Variants in PRUNE2 observed in about 807,000 individuals in gnomAD.
PRUNE2 encodes the protein protein prune homolog 2.
Under a neutral mutation model 252.0 loss-of-function variants are expected in PRUNE2, and 164 were observed. The ratio of observed to expected loss-of-function variants is 0.65; its 90% CI spans 0.57 to 0.74. PRUNE2 has a LOEUF of 0.74. Ranked by LOEUF, PRUNE2 falls within the 30% of genes least tolerant of loss-of-function variation. The pLI is 0.00. For synonymous variants in PRUNE2, 1,292 were observed against 1,350.2 expected (o/e 0.96, Z 0.94); for missense variants, 3,495 against 3,711.0 (o/e 0.94, Z 1.51).
chr9:76,764,066 C>T (rs1054030893), intron 6 of PRUNE2, among the ~76,000 whole-genome samples: 1 of 152,114 alleles, frequency 6.6e-6, no homozygotes. Context: ...GACCAATAAC[C>T]TCATTCACAA....
Position 76,863,526 on chromosome 9 carries a change from A to T in PRUNE2, c.37-9318T>A, listed in dbSNP as rs1362222787. Among the ~76,000 whole-genome samples the T allele has an allele frequency of 2.6e-5, 4 of 152,256 alleles. No homozygotes were observed. The East Asian group carries it at 7.7e-4, about 29-fold the overall frequency. ...CATATTCAACTCTGGTAACATCAAT[A>T]AAAAACTATTTTGTTTTCTGGCCTT... On this transcript the variant is annotated intron_variant, in intron 1 of 18. Coordinates refer to ENST00000376718, the MANE Select transcript of PRUNE2 (RefSeq NM_015225.3).
chr9:76,789,896 G>C (rs912965716), intron 6 of PRUNE2, among the ~76,000 whole-genome samples: 15 of 152,122 alleles, frequency 9.9e-5, no homozygotes, highest in African/African-American at 3.4e-4. Flanking sequence ...TCTTAGAGGA[G>C]CTCATGGCCC....
Position 76,614,464 on chromosome 9 carries a change from G to A in PRUNE2, c.*106C>T. 1 of 864,908 alleles carries A rather than the reference G, an allele frequency of 1.2e-6. No individual in the cohort carries two copies. Among genetic ancestry groups the A allele is most frequent in the Non-Finnish European group, 1.9e-6 (1 of 518,900 alleles). The allele number at this position is 864,908 out of a possible 1,614,324, so 53.6% of individuals were successfully genotyped here. A position where few individuals can be genotyped will look rare whatever the true frequency, so the allele number is the denominator to read the frequency against. ...CCTTAGAAATTTAGAATGGCACCAG[G>A]TAGTGCAAAGTGGAAAAAGGTAACA... On this transcript the variant is annotated 3_prime_UTR_variant, in exon 19 of 19. Coordinates refer to ENST00000376718, the MANE Select transcript of PRUNE2 (RefSeq NM_015225.3).
At position 76,709,120 on chromosome 9, in the gene PRUNE2, C is replaced by G; in HGVS notation, c.3154G>C (p.Glu1052Gln). The change falls in exon 8 of 19, where the codon GAA (glutamate) becomes CAA (glutamine). Residue 1052 changes from glutamate (E) to glutamine (Q), a missense_variant. Coordinates refer to ENST00000376718, the MANE Select transcript of PRUNE2 (RefSeq NM_015225.3). Reference protein sequence around the residue: ...SEINTTHNLDENELKTEHTDG... With the variant: ...SEINTTHNLDQNELKTEHTDG... ...GTGTGCTCTGTCTTGAGTTCATTTT[C>G]ATCCAGGTTGTGAGTGGTATTTATT... The G allele has an allele frequency of 1.2e-6, 2 of 1,613,950 alleles. No individual in the cohort carries two copies. The highest frequency in any genetic ancestry group is 1.7e-6 in the Non-Finnish European group (2 of 1,179,892).
intron 6 of PRUNE2, among the ~76,000 whole-genome samples, chr9:76,813,608 C>T (rs2057498388): frequency 6.6e-6 from 1 of 152,150 alleles, no homozygotes; most frequent in Non-Finnish European, 1.5e-5. Context: ...CATATTTCTT[C>T]ATTGTTTCAG....
At chr9:76,770,196 C>CA (rs1331505820) in intron 6 of PRUNE2, among the ~76,000 whole-genome samples, 1 of 152,122 alleles carries the variant, frequency 6.6e-6, no homozygotes, top group African/African-American at 2.4e-5. Flanking sequence ...TTTGAGGCAA[C>CA]ATTCTTTGAA....
chr9:76,618,388 C>G (rs1200646979), intron 18 of PRUNE2, among the ~76,000 whole-genome samples: 1 of 152,206 alleles, frequency 6.6e-6, no homozygotes, highest in Non-Finnish European at 1.5e-5. Flanking sequence ...ACATTTAAAA[C>G]TGATCTTTCC....
chr9:76,689,436 G>T (rs1219373073), intron 9 of PRUNE2, among the ~76,000 whole-genome samples: 1 of 152,046 alleles, frequency 6.6e-6, no homozygotes, highest in Non-Finnish European at 1.5e-5. Flanking sequence ...GCTCACTGCA[G>T]CCTCAACCTC....
At chr9:76,751,098 C>T (rs917999856) in intron 6 of PRUNE2, among the ~76,000 whole-genome samples, 10 of 152,216 alleles carry the variant, frequency 6.6e-5, no homozygotes, top group African/African-American at 1.7e-4. Flanking sequence ...CCGTAACATA[C>T]GCATAACGCA....
intron 6 of PRUNE2, among the ~76,000 whole-genome samples, chr9:76,746,443 C>T (rs1046138343): frequency 3.3e-5 from 5 of 152,010 alleles, no homozygotes; most frequent in African/African-American, 7.2e-5. Flanking sequence ...CGGTGGCTCA[C>T]GCCTGTAATC....
chr9:76,616,702 T>C (rs768365138), intron 18 of PRUNE2, among the ~76,000 whole-genome samples: 1 of 152,162 alleles, frequency 6.6e-6, no homozygotes, highest in Non-Finnish European at 1.5e-5. Context: ...TAGTCAAAAG[T>C]GAACAATTTT....
intron 9 of PRUNE2, among the ~76,000 whole-genome samples, chr9:76,677,568 A>T (rs2042827117): frequency 6.6e-6 from 1 of 152,224 alleles, no homozygotes; most frequent in Admixed American, 6.5e-5. Flanking sequence ...ACATTTGCTG[A>T]ATAAACAGAA....
intron 6 of PRUNE2, among the ~76,000 whole-genome samples, chr9:76,799,022 G>T (rs1055384790): frequency 5.3e-5 from 8 of 152,144 alleles, no homozygotes; most frequent in African/African-American, 1.4e-4. Context: ...CTTCTTATGT[G>T]GGACAATGTG....
intron 17 of PRUNE2, among the ~76,000 whole-genome samples, chr9:76,619,645 A>G (rs1417430396): frequency 2.0e-5 from 3 of 152,178 alleles, no homozygotes; most frequent in African/African-American, 7.2e-5. Flanking sequence ...TTCTGTCCTC[A>G]TTTTTCCCTG....
At chr9:76,826,515 A>G in intron 5 of PRUNE2, 65 bp downstream of exon 5, 1 of 1,177,442 alleles carries the variant, frequency 8.5e-7, no homozygotes, top group Non-Finnish European at 1.2e-6. Flanking sequence ...AGGTCTGATG[A>G]TGCTCCATGC....
chr9:76,797,803 C>A (rs980220820), intron 6 of PRUNE2, among the ~76,000 whole-genome samples: 9 of 151,962 alleles, frequency 5.9e-5, no homozygotes, highest in African/African-American at 2.2e-4. Flanking sequence ...TGTATCCATC[C>A]GGTGTTTTAA....
chr9:76,636,234 C>A (rs949472573), intron 15 of PRUNE2, among the ~76,000 whole-genome samples: 2 of 152,118 alleles, frequency 1.3e-5, no homozygotes, highest in African/African-American at 4.8e-5. Context: ...GTGTTTATAG[C>A]AAGCAATTTA....
chr9:76,847,058 G>C (rs1460163512), intron 3 of PRUNE2, among the ~76,000 whole-genome samples: 2 of 152,146 alleles, frequency 1.3e-5, no homozygotes. Context: ...TGGGCGCGGT[G>C]GCTCACAACT....
chr9:76,687,886 T>C (rs2044266770), intron 9 of PRUNE2, among the ~76,000 whole-genome samples: 1 of 152,184 alleles, frequency 6.6e-6, no homozygotes, highest in South Asian at 2.1e-4. Flanking sequence ...TTCCTCCAGA[T>C]GCGGGGGTAG....
Sources: allele counts gnomAD v4.1 joint callset (sites outside exome capture counted in the v4.1 genomes callset), GRCh38; gene constraint gnomAD v4.1.1; transcripts MANE v1.5; gene names NCBI Gene and HGNC (gene_info 2026-07-23, HGNC 2026-07-21).